Variants in HPSE2 observed in about 807,000 individuals in gnomAD.
HPSE2 encodes the protein inactive heparanase-2.
In HPSE2, 38 loss-of-function variants were observed where a neutral mutation model predicts 60.5. That is an observed-to-expected ratio of 0.63 (90% confidence interval 0.48 to 0.82). The LOEUF is 0.82. Among genes scored for constraint, HPSE2 ranks in the 40% least tolerant of loss-of-function variants. The pLI, the probability that HPSE2 is intolerant of heterozygous loss-of-function variation, is 0.00. For synonymous variants in HPSE2, 295 were observed against 293.2 expected, an observed-to-expected ratio of 1.01 and a Z score of -0.06; for missense variants, 713 against 740.4, an observed-to-expected ratio of 0.96 and a Z score of 0.43.
rs75815036 is a variant in HPSE2, at chr10:98,994,436, G to T, written c.610+149802C>A. Among the ~76,000 whole-genome samples, 458 of 150,858 alleles carry T rather than the reference G, an allele frequency of 3.0e-3. 1 individual carries two copies. The highest frequency in any genetic ancestry group is 0.011 in the African/African-American group (440 of 41,154). On this transcript the variant is annotated intron_variant, in intron 3 of 11. Transcript: ENST00000370552. ...CAGCCCAGCATTAAACTCTCAAAAT[G>T]GCTCCTTGGGCCTGCAACCAGGGAG...
chr10:98,836,651 T>G (rs1304280301), intron 3 of HPSE2, among the ~76,000 whole-genome samples: 1 of 152,210 alleles, frequency 6.6e-6, no homozygotes, highest in Non-Finnish European at 1.5e-5. Context: ...CTGCTGACCA[T>G]AAGAATTTAT....
intron 10 of HPSE2, among the ~76,000 whole-genome samples, chr10:98,484,802 A>G (rs1246412251): frequency 1.3e-5 from 2 of 152,262 alleles, no homozygotes; most frequent in Non-Finnish European, 2.9e-5. Context: ...TGAGAGAACT[A>G]TATGCCTACA....
chr10:98,693,132 A>G (rs978036360), intron 6 of HPSE2, among the ~76,000 whole-genome samples: 3 of 152,230 alleles, frequency 2.0e-5, no homozygotes, highest in Non-Finnish European at 4.4e-5. Context: ...GTAAAAGCAC[A>G]GTCTGAGTTG....
intron 9 of HPSE2, among the ~76,000 whole-genome samples, chr10:98,501,414 C>T (rs192927156): frequency 2.6e-5 from 4 of 152,202 alleles, no homozygotes; most frequent in African/African-American, 9.6e-5. Flanking sequence ...TCAATAAATG[C>T]AATACACCAC....
chr10:98,580,824 T>TTATATATATA (rs779671429), intron 9 of HPSE2, among the ~76,000 whole-genome samples: 9,855 of 128,036 alleles, frequency 0.077, 587 homozygotes, highest in Middle Eastern at 0.16. Flanking sequence ...GTGCTTGGTT[T>TTATATATATA]TATATATATA....
chr10:98,752,625 T>C (rs1949784999), intron 3 of HPSE2, among the ~76,000 whole-genome samples: 1 of 152,248 alleles, frequency 6.6e-6, no homozygotes, highest in East Asian at 1.9e-4. Flanking sequence ...ATGGCAAAAG[T>C]CTTGAAAGGG....
intron 2 of HPSE2, among the ~76,000 whole-genome samples, chr10:99,223,977 G>A (rs890024565): frequency 7.9e-5 from 12 of 151,988 alleles, no homozygotes; most frequent in Non-Finnish European, 1.5e-4. Context: ...GAGAAGTAGA[G>A]GAACTAAGCA....
At chr10:98,570,000 T>C (rs777823057) in intron 9 of HPSE2, among the ~76,000 whole-genome samples, 3 of 152,192 alleles carry the variant, frequency 2.0e-5, no homozygotes, top group Admixed American at 6.5e-5. Flanking sequence ...TCCAACTAAG[T>C]GTTAAGAGGT....
At chr10:98,510,458 T>A (rs1477634512) in intron 9 of HPSE2, among the ~76,000 whole-genome samples, 1 of 152,202 alleles carries the variant, frequency 6.6e-6, no homozygotes, top group African/African-American at 2.4e-5. Flanking sequence ...TCTGGCTTCC[T>A]GAGAGCAAAC....
Position 98,619,567 on chromosome 10 carries a change from G to A in HPSE2, c.1205+1035C>T, listed in dbSNP as rs139369688. Among the ~76,000 whole-genome samples, 448 of 152,228 alleles carry A rather than the reference G, an allele frequency of 2.9e-3. 1 individual carries two copies. Among genetic ancestry groups the A allele is most frequent in the Middle Eastern group, 0.014 (4 of 294 alleles). On this transcript the variant is annotated intron_variant, in intron 8 of 11. Coordinates refer to ENST00000370552, the MANE Select transcript of HPSE2 (RefSeq NM_021828.5). ...AACAAGGCCTCACTTCCTCTACCGG[G>A]TTTTTAAGACCTTCTGTAATTTGGT...
chr10:98,482,909 A>C (rs1941297961), intron 10 of HPSE2, 127 bp from the exon 11 acceptor site: 2 of 928,588 alleles, frequency 2.2e-6, no homozygotes, highest in Admixed American at 4.1e-5. Context: ...CTTGGCCACC[A>C]TAGACCCTAA....
intron 2 of HPSE2, among the ~76,000 whole-genome samples, chr10:99,214,399 G>A (rs1390995962): frequency 2.6e-5 from 4 of 152,076 alleles, no homozygotes; most frequent in African/African-American, 4.8e-5. Context: ...ACAAAAACTT[G>A]TATACAAATT....
intron 6 of HPSE2, among the ~76,000 whole-genome samples, chr10:98,646,493 T>C (rs1946774428): frequency 6.6e-6 from 1 of 152,066 alleles, no homozygotes. Flanking sequence ...AAAGGCTGTG[T>C]AGAAATAACC....
intron 3 of HPSE2, among the ~76,000 whole-genome samples, chr10:98,990,369 T>C (rs1489185788): frequency 1.8e-4 from 27 of 152,236 alleles, no homozygotes; most frequent in Admixed American, 1.8e-3. Flanking sequence ...ATCCCTCACA[T>C]GAGCAGTTCA....
chr10:98,673,273 GTGGCAA>G (rs1947552642), intron 6 of HPSE2, among the ~76,000 whole-genome samples: 1 of 152,202 alleles, frequency 6.6e-6, no homozygotes, highest in Non-Finnish European at 1.5e-5. Context: ...TCAAGTTGCT[GTGGCAA>G]CTGATCCAAA....
chr10:98,671,455 C>T (rs1168683385), intron 6 of HPSE2, among the ~76,000 whole-genome samples: 1 of 152,192 alleles, frequency 6.6e-6, no homozygotes, highest in Non-Finnish European at 1.5e-5. Context: ...AGCTTCCCCA[C>T]CACACTATAA....
chr10:99,273,652 G>A, the HPSE2 span, among the ~76,000 whole-genome samples: 3 of 152,182 alleles, frequency 2.0e-5, no homozygotes, highest in African/African-American at 7.2e-5. Flanking sequence ...GAGGACATAA[G>A]TCTTCTCTCC....
intron 9 of HPSE2, among the ~76,000 whole-genome samples, chr10:98,535,674 G>A (rs1381919438): frequency 6.6e-6 from 1 of 152,128 alleles, no homozygotes; most frequent in Non-Finnish European, 1.5e-5. Flanking sequence ...ACCTGTTGTG[G>A]TAACTACTCT....
intron 9 of HPSE2, among the ~76,000 whole-genome samples, chr10:98,535,354 C>T (rs897944719): frequency 1.3e-5 from 2 of 151,568 alleles, no homozygotes; most frequent in South Asian, 4.2e-4. Flanking sequence ...CCTACCAATT[C>T]CTGAAGGAGC....
Sources: allele counts gnomAD v4.1 joint callset (sites outside exome capture counted in the v4.1 genomes callset), GRCh38; gene constraint gnomAD v4.1.1; transcripts MANE v1.5; gene names NCBI Gene and HGNC (gene_info 2026-07-23, HGNC 2026-07-21).